IGFL2: variants seen among roughly 807,000 people sequenced by gnomAD.
IGFL2 encodes the protein IGF like family member 2, also known as insulin growth factor-like family member 2.
In IGFL2, 7 loss-of-function variants were observed where a neutral mutation model predicts 13.9. The observed-to-expected ratio is 0.51, with a 90% CI of 0.29 to 0.95. The LOEUF (loss-of-function observed/expected upper bound fraction) is 0.95. Ranked by LOEUF, IGFL2 falls within the 40% of genes least tolerant of loss-of-function variation. The pLI, the probability that IGFL2 is intolerant of heterozygous loss-of-function variation, is 0.08. For synonymous variants in IGFL2, 55 were observed against 55.8 expected (o/e 0.99, Z 0.07); for missense variants, 138 against 147.8 (o/e 0.93, Z 0.34).
the IGFL2 span, among the ~76,000 whole-genome samples, chr19:46,173,205 C>T: frequency 2.0e-5 from 3 of 152,210 alleles, no homozygotes; most frequent in Non-Finnish European, 4.4e-5. Flanking sequence ...TTTCTGTTGT[C>T]AACGTGTCCC....
At chr19:46,137,314 G>A in the IGFL2 span, 2 of 1,054,930 alleles carry the variant, frequency 1.9e-6, no homozygotes, top group Non-Finnish European at 3.0e-6. Flanking sequence ...TCCTTCGTAG[G>A]CTCATTTATC....
chr19:46,200,473 C>CCTTTTTTCTTTT, the IGFL2 span, among the ~76,000 whole-genome samples: 9 of 134,278 alleles, frequency 6.7e-5, no homozygotes, highest in African/African-American at 2.2e-4. Flanking sequence ...CACACCTGGC[C>CCTTTTTTCTTTT]CTTTTCTTTT....
chr19:46,105,511 C>G, the IGFL2 span, among the ~76,000 whole-genome samples: 8 of 152,166 alleles, frequency 5.3e-5, no homozygotes, highest in African/African-American at 1.7e-4. Context: ...CAAGTTAGAT[C>G]AGAGAGATAC....
the IGFL2 span, among the ~76,000 whole-genome samples, chr19:46,200,209 C>A: frequency 2.6e-5 from 4 of 151,632 alleles, no homozygotes; most frequent in South Asian, 6.3e-4. Context: ...CGTTCTGTCA[C>A]CCAGGCTGCA....
chr19:46,119,490 TA>T, the IGFL2 span, among the ~76,000 whole-genome samples: 1 of 141,016 alleles, frequency 7.1e-6, no homozygotes, highest in African/African-American at 2.8e-5. Context: ...GGAGCCAGGG[TA>T]TGCTGCTCTG....
the IGFL2 span, among the ~76,000 whole-genome samples, chr19:46,098,660 G>A: frequency 6.6e-6 from 1 of 151,920 alleles, no homozygotes; most frequent in Non-Finnish European, 1.5e-5. Flanking sequence ...TGTATTTTTA[G>A]TAGATATGTG....
At chr19:46,092,589 A>G in the IGFL2 span, among the ~76,000 whole-genome samples, 1 of 151,878 alleles carries the variant, frequency 6.6e-6, no homozygotes, top group African/African-American at 2.4e-5. Context: ...CTGAGATTGC[A>G]CCACTGTACT....
the IGFL2 span, among the ~76,000 whole-genome samples, chr19:46,102,384 G>A: frequency 2.0e-5 from 3 of 152,268 alleles, no homozygotes; most frequent in Admixed American, 6.5e-5. Context: ...TGCGGGCAGC[G>A]GGTGGATCTT....
the IGFL2 span, among the ~76,000 whole-genome samples, chr19:46,182,365 T>TA: frequency 0.064 from 5,036 of 78,610 alleles, 194 homozygotes; most frequent in East Asian, 0.13. Flanking sequence ...AGACTTTGCC[T>TA]AAAAAAAAAA....
chr19:46,105,507 A>G, the IGFL2 span, among the ~76,000 whole-genome samples: 1 of 152,206 alleles, frequency 6.6e-6, no homozygotes, highest in Non-Finnish European at 1.5e-5. Context: ...AATACAAGTT[A>G]GATCAGAGAG....
the IGFL2 span, among the ~76,000 whole-genome samples, chr19:46,169,923 T>C: frequency 1.3e-5 from 2 of 151,926 alleles, no homozygotes; most frequent in Non-Finnish European, 2.9e-5. Context: ...ATTTGTATGA[T>C]TTGCTTTCAA....
At chr19:46,186,351 C>A in the IGFL2 span, among the ~76,000 whole-genome samples, 1 of 152,174 alleles carries the variant, frequency 6.6e-6, no homozygotes, top group Non-Finnish European at 1.5e-5. Context: ...TTTTCTCTGG[C>A]GCTCCGGAGA....
At chr19:46,080,152 G>C in the IGFL2 span, among the ~76,000 whole-genome samples, 1 of 152,148 alleles carries the variant, frequency 6.6e-6, no homozygotes, top group East Asian at 1.9e-4. Flanking sequence ...AATGAGTCAC[G>C]GGCAGATATT....
chr19:46,081,358 A>G, the IGFL2 span, among the ~76,000 whole-genome samples: 14 of 152,352 alleles, frequency 9.2e-5, 1 homozygote, highest in Admixed American at 8.5e-4. Flanking sequence ...AGCTTCCTCT[A>G]ATGTTGCATA....
the IGFL2 span, among the ~76,000 whole-genome samples, chr19:46,190,691 A>G: frequency 2.0e-5 from 3 of 152,160 alleles, no homozygotes; most frequent in African/African-American, 7.2e-5. Flanking sequence ...GCCCCCTGGT[A>G]ATCCCCCAAC....
the IGFL2 span, among the ~76,000 whole-genome samples, chr19:46,132,392 C>T: frequency 1.3e-5 from 2 of 152,172 alleles, no homozygotes; most frequent in Admixed American, 6.5e-5. Flanking sequence ...ATTAAATGCA[C>T]AGAAAGAAAA....
chr19:46,096,271 T>G, the IGFL2 span, among the ~76,000 whole-genome samples: 1 of 152,114 alleles, frequency 6.6e-6, no homozygotes. Flanking sequence ...TATTTTATTC[T>G]CTTTGTAGCA....
At chr19:46,116,530 T>C in the IGFL2 span, among the ~76,000 whole-genome samples, 1 of 152,248 alleles carries the variant, frequency 6.6e-6, no homozygotes, top group African/African-American at 2.4e-5. Context: ...TGATTAGTAT[T>C]ATTCTAATTA....
the IGFL2 span, among the ~76,000 whole-genome samples, chr19:46,185,162 T>G: frequency 6.6e-6 from 1 of 152,236 alleles, no homozygotes; most frequent in African/African-American, 2.4e-5. Context: ...CTTTGTCAGA[T>G]GGATAGATTG....
Sources: gnomAD v4.1 joint callset for allele counts (sites outside exome capture counted in the v4.1 genomes callset) on GRCh38, gnomAD v4.1.1 for gene constraint, MANE v1.5 for transcripts, NCBI Gene and HGNC (gene_info 2026-07-23, HGNC 2026-07-21) for gene names.